NCKAP5: variants seen among roughly 807,000 people sequenced by gnomAD.
The protein encoded by NCKAP5 is NCK associated protein 5.
In NCKAP5, 92 loss-of-function variants were observed where a neutral mutation model predicts 167.0. The observed-to-expected ratio is 0.55, with a 90% CI of 0.47 to 0.66. The LOEUF (loss-of-function observed/expected upper bound fraction) is 0.66. Ranked by LOEUF, NCKAP5 falls within the 30% of genes least tolerant of loss-of-function variation. NCKAP5 has a pLI of 0.00. For missense variants in NCKAP5, 2,378 were observed against 2,315.0 expected, an observed-to-expected ratio of 1.03 and a Z score of -0.56; for synonymous variants, 891 against 877.4, an observed-to-expected ratio of 1.02 and a Z score of -0.27.
chr2:132,942,310 TA>T (rs911850008), intron 8 of NCKAP5, among the ~76,000 whole-genome samples: 1 of 152,142 alleles, frequency 6.6e-6, no homozygotes, highest in Non-Finnish European at 1.5e-5. Context: ...GAAAACTTGT[TA>T]AAAAAATTTA....
At chr2:133,666,023 A>G in the NCKAP5 span, among the ~76,000 whole-genome samples, 4 of 152,050 alleles carry the variant, frequency 2.6e-5, no homozygotes, top group Admixed American at 6.5e-5. Flanking sequence ...AGTAAAAATT[A>G]TCTTCTCATT....
chr2:133,540,904 A>G (rs1686172203), intron 2 of NCKAP5, among the ~76,000 whole-genome samples: 1 of 143,290 alleles, frequency 7.0e-6, no homozygotes, highest in Admixed American at 7.3e-5. Context: ...ACTGCACTCC[A>G]GCCTGGGTGA....
rs894910727 is a variant in NCKAP5, at chr2:132,993,310, T to C, written c.429+842A>G. Among the ~76,000 whole-genome samples the C allele has an allele frequency of 2.0e-5, 3 of 152,168 alleles. No individual in the cohort carries two copies. In the South Asian group the frequency reaches 6.2e-4, roughly 32 times the overall value. ...TAAATTTATCTATATACAGTGTCTG[T>C]GCTGTTTCTATTGTATTTCCCTTTT... is the stretch of plus-strand genomic sequence containing the variant. On this transcript the variant is annotated intron_variant, in intron 7 of 19. Coordinates refer to ENST00000409261, the MANE Select transcript of NCKAP5 (RefSeq NM_207363.3).
intron 5 of NCKAP5, among the ~76,000 whole-genome samples, chr2:133,174,057 A>G (rs1387191401): frequency 6.6e-6 from 1 of 152,076 alleles, no homozygotes. Flanking sequence ...AATTTCATCA[A>G]TTTTTCTCCT....
intron 6 of NCKAP5, among the ~76,000 whole-genome samples, chr2:133,024,711 GTAGCT>G (rs149075147): frequency 0.041 from 6,187 of 152,270 alleles, 184 homozygotes; most frequent in Middle Eastern, 0.11. Context: ...GCAAAACTGA[GTAGCT>G]TTCTAGCTTG....
chr2:133,030,277 T>C (rs1390248720), intron 6 of NCKAP5, among the ~76,000 whole-genome samples: 1 of 152,154 alleles, frequency 6.6e-6, no homozygotes, highest in Non-Finnish European at 1.5e-5. Flanking sequence ...CACCTGTTCT[T>C]AGGGTGATGG....
intron 5 of NCKAP5, among the ~76,000 whole-genome samples, chr2:133,194,634 T>C (rs548287276): frequency 2.0e-5 from 3 of 152,160 alleles, no homozygotes; most frequent in Non-Finnish European, 2.9e-5. Context: ...CTGGTAATTA[T>C]ACACCTCTTC....
intron 11 of NCKAP5, among the ~76,000 whole-genome samples, chr2:132,816,692 G>A (rs140923299): frequency 3.0e-4 from 46 of 152,246 alleles, no homozygotes; most frequent in Middle Eastern, 6.8e-3. Context: ...TCCTGATCTG[G>A]AAGCTAACTG....
chr2:133,424,650 C>G (rs550833124), intron 3 of NCKAP5, among the ~76,000 whole-genome samples: 48 of 152,290 alleles, frequency 3.2e-4, no homozygotes, highest in African/African-American at 1.1e-3. Context: ...AAGGATTTTA[C>G]TTGCTACTTT....
chr2:132,800,877 C>T (rs1211479436), intron 11 of NCKAP5, among the ~76,000 whole-genome samples: 1 of 152,164 alleles, frequency 6.6e-6, no homozygotes, highest in Non-Finnish European at 1.5e-5. Flanking sequence ...AGGTCAATCC[C>T]TTAATTTCTA....
intron 7 of NCKAP5, among the ~76,000 whole-genome samples, chr2:132,992,230 G>A (rs921388498): frequency 3.9e-5 from 6 of 152,204 alleles, no homozygotes; most frequent in Admixed American, 3.9e-4. Context: ...CTACAGGGAA[G>A]AGTTCATTTC....
At chr2:132,773,417 G>A (rs751981348) in intron 16 of NCKAP5, among the ~76,000 whole-genome samples, 7 of 152,142 alleles carry the variant, frequency 4.6e-5, no homozygotes, top group East Asian at 1.9e-4. Context: ...TTGGCAAACC[G>A]TATTTTCTTA....
intron 3 of NCKAP5, among the ~76,000 whole-genome samples, chr2:133,408,673 C>T (rs1688593562): frequency 6.6e-6 from 1 of 152,220 alleles, no homozygotes; most frequent in Non-Finnish European, 1.5e-5. Flanking sequence ...AAAGTCTATA[C>T]CACCTCCCAG....
At chr2:133,368,182 T>C (rs1287447700) in intron 3 of NCKAP5, among the ~76,000 whole-genome samples, 1 of 152,266 alleles carries the variant, frequency 6.6e-6, no homozygotes, top group African/African-American at 2.4e-5. Context: ...ATGTATACTT[T>C]AATATTCATA....
At chr2:133,303,464 G>T (rs540416989) in intron 3 of NCKAP5, among the ~76,000 whole-genome samples, 1 of 152,078 alleles carries the variant, frequency 6.6e-6, no homozygotes, top group Non-Finnish European at 1.5e-5. Flanking sequence ...AGACAAAACA[G>T]TTCTTGATTT....
At chr2:133,094,031 A>G (rs1210544853) in intron 6 of NCKAP5, among the ~76,000 whole-genome samples, 1 of 152,212 alleles carries the variant, frequency 6.6e-6, no homozygotes, top group African/African-American at 2.4e-5. Flanking sequence ...TCCAAGTCAT[A>G]CAGGAATGGG....
At chr2:132,901,145 G>A (rs1693596922) in intron 8 of NCKAP5, among the ~76,000 whole-genome samples, 1 of 152,092 alleles carries the variant, frequency 6.6e-6, no homozygotes, top group Non-Finnish European at 1.5e-5. Context: ...TTGGTATTAA[G>A]TGAATCAATT....
chr2:133,164,077 A>G (rs2083906417), intron 5 of NCKAP5, among the ~76,000 whole-genome samples: 1 of 152,220 alleles, frequency 6.6e-6, no homozygotes, highest in Non-Finnish European at 1.5e-5. Context: ...AAACAGTGAG[A>G]GAATAATTCC....
intron 8 of NCKAP5, among the ~76,000 whole-genome samples, chr2:132,895,173 T>C (rs12620375): frequency 0.29 from 43,818 of 151,174 alleles, 8,051 homozygotes; most frequent in Non-Finnish European, 0.41. Flanking sequence ...CTACTAAAAA[T>C]ACAAAAAATT....
Sources: allele counts gnomAD v4.1 joint callset (sites outside exome capture counted in the v4.1 genomes callset), GRCh38; gene constraint gnomAD v4.1.1; transcripts MANE v1.5; gene names NCBI Gene and HGNC (gene_info 2026-07-23, HGNC 2026-07-21).